SORCS1: variants seen among roughly 807,000 people sequenced by gnomAD.
SORCS1 encodes sortilin related VPS10 domain containing receptor 1, also known as VPS10 domain-containing receptor SorCS1.
A neutral mutation model predicts 146.1 loss-of-function variants in SORCS1; 60 were observed. The observed-to-expected ratio is 0.41, with a 90% confidence interval of 0.33 to 0.51. SORCS1 has a LOEUF of 0.51. Among genes scored for constraint, SORCS1 ranks in the 20% least tolerant of loss-of-function variants. The pLI, the probability that SORCS1 is intolerant of heterozygous loss-of-function variation, is 0.21. For missense variants in SORCS1, 1,352 were observed against 1,487.6 expected (o/e 0.91, Z 1.50); for synonymous variants, 637 against 584.0 (o/e 1.09, Z -1.31).
chr10:106,914,206 G>C (rs1952301861), intron 2 of SORCS1, among the ~76,000 whole-genome samples: 1 of 152,056 alleles, frequency 6.6e-6, no homozygotes, highest in South Asian at 2.1e-4. Flanking sequence ...GAGGATGCTG[G>C]GTTTTAAAAA....
intron 2 of SORCS1, among the ~76,000 whole-genome samples, chr10:106,835,740 T>G (rs1250805038): frequency 6.6e-6 from 1 of 152,168 alleles, no homozygotes; most frequent in Non-Finnish European, 1.5e-5. Context: ...GTGTGATGGC[T>G]CATGTCTGTA....
rs930271970 is a variant in SORCS1, at chr10:106,878,630, A to G, written c.627-48957T>C. ...TTTATAAACTACCTAGTATATATAT[A>G]TATATATATATATATATATTTTATA... On this transcript the variant is annotated intron_variant, in intron 2 of 25. Transcript: ENST00000263054. 6.6e-4 allele frequency among the ~76,000 whole-genome samples: 88 copies of G among 133,502 alleles called. 2 individuals are homozygous for G. Among genetic ancestry groups the G allele is most frequent in the African/African-American group, 2.2e-3 (82 of 36,638 alleles). 87.6% of individuals were successfully genotyped at this position (133,502 alleles called of 152,430 possible).
At chr10:107,076,180 G>GT (rs1228280398) in intron 1 of SORCS1, among the ~76,000 whole-genome samples, 2 of 152,040 alleles carry the variant, frequency 1.3e-5, no homozygotes, top group African/African-American at 4.8e-5. Context: ...TTTCGGCACC[G>GT]TATTTGCTAG....
intron 1 of SORCS1, among the ~76,000 whole-genome samples, chr10:107,052,713 A>G (rs377476864): frequency 1.2e-4 from 18 of 152,252 alleles, no homozygotes; most frequent in African/African-American, 4.3e-4. Flanking sequence ...TCTTCTTCTC[A>G]TATATCTCCA....
intron 1 of SORCS1, among the ~76,000 whole-genome samples, chr10:107,032,137 G>A (rs1958683144): frequency 1.3e-5 from 2 of 152,196 alleles, no homozygotes; most frequent in East Asian, 1.9e-4. Context: ...GTTTGAATTG[G>A]ATCTGTTGCC....
chr10:106,709,090 C>T, intron 7 of SORCS1, 133 bp downstream of exon 7: 1 of 644,576 alleles, frequency 1.6e-6, no homozygotes. Context: ...TGATTTTCCC[C>T]TCTCTCCCTA....
intron 2 of SORCS1, among the ~76,000 whole-genome samples, chr10:106,893,010 T>A (rs1951297539): frequency 2.0e-5 from 3 of 151,354 alleles, no homozygotes; most frequent in Non-Finnish European, 4.4e-5. Context: ...TTCTCCTGCC[T>A]CAGCCTCCCG....
chr10:107,136,518 A>T (rs895516130), intron 1 of SORCS1, among the ~76,000 whole-genome samples: 1 of 152,202 alleles, frequency 6.6e-6, no homozygotes, highest in African/African-American at 2.4e-5. Context: ...TGCAGAAAAA[A>T]AACAAGGCTT....
chr10:106,844,080 C>G lies in SORCS1; in HGVS notation c.627-14407G>C, dbSNP rs146653347. Among the ~76,000 whole-genome samples the G allele has an allele frequency of 9.2e-4, 140 of 152,282 alleles. 1 individual carries two copies. Among genetic ancestry groups the G allele is most frequent in the African/African-American group, 3.1e-3 (127 of 41,562 alleles). ...TTTTGATATTTTGATAAAAAACATCCTAATAGTTGTAAGGTGATATTTCAT... is the reference window on the plus strand; with the variant it reads ...TTTTGATATTTTGATAAAAAACATCGTAATAGTTGTAAGGTGATATTTCAT... On this transcript the variant is annotated intron_variant, in intron 2 of 25. Coordinates refer to ENST00000263054, the MANE Select transcript of SORCS1 (RefSeq NM_052918.5).
At chr10:107,054,869 C>T (rs1483305681) in intron 1 of SORCS1, among the ~76,000 whole-genome samples, 1 of 152,174 alleles carries the variant, frequency 6.6e-6, no homozygotes, top group African/African-American at 2.4e-5. Flanking sequence ...GAACTTTCCT[C>T]CTCAGGCTTA....
chr10:107,030,077 G>C (rs1037030726), intron 1 of SORCS1, among the ~76,000 whole-genome samples: 1 of 151,874 alleles, frequency 6.6e-6, no homozygotes, highest in African/African-American at 2.4e-5. Context: ...TATTTTAACC[G>C]TTTTTCTACT....
chr10:106,664,142 G>A (rs1264508147), intron 17 of SORCS1, among the ~76,000 whole-genome samples: 1 of 152,182 alleles, frequency 6.6e-6, no homozygotes, highest in Non-Finnish European at 1.5e-5. Flanking sequence ...AGTTAAGGTG[G>A]AGTCCTAGAA....
intron 3 of SORCS1, among the ~76,000 whole-genome samples, chr10:106,786,492 T>C (rs1589874197): frequency 6.6e-6 from 1 of 152,154 alleles, no homozygotes; most frequent in East Asian, 1.9e-4. Flanking sequence ...AGTGTGAATG[T>C]CCCAAGATCA....
intron 10 of SORCS1, among the ~76,000 whole-genome samples, chr10:106,687,213 C>A (rs1320627836): frequency 6.6e-6 from 1 of 152,172 alleles, no homozygotes; most frequent in Non-Finnish European, 1.5e-5. Context: ...CGTGACCCTG[C>A]AATCTTCCAT....
intron 22 of SORCS1, among the ~76,000 whole-genome samples, chr10:106,611,528 T>G (rs928653325): frequency 6.6e-6 from 1 of 152,212 alleles, no homozygotes; most frequent in African/African-American, 2.4e-5. Context: ...CCGAGGACAC[T>G]TACATGCTGA....
chr10:106,619,641 T>C (rs1847605335), intron 20 of SORCS1, among the ~76,000 whole-genome samples: 7 of 152,124 alleles, frequency 4.6e-5, no homozygotes, highest in Admixed American at 4.6e-4. Context: ...CCATGCAGCC[T>C]GGTGTAGAGG....
intron 2 of SORCS1, among the ~76,000 whole-genome samples, chr10:106,895,834 GCAA>G (rs1210077844): frequency 6.6e-6 from 1 of 152,090 alleles, no homozygotes; most frequent in African/African-American, 2.4e-5. Flanking sequence ...CACGTTTATA[GCAA>G]CAATAGCCAA....
At chr10:106,854,726 G>A (rs1368161017) in intron 2 of SORCS1, among the ~76,000 whole-genome samples, 1 of 151,962 alleles carries the variant, frequency 6.6e-6, no homozygotes, top group Non-Finnish European at 1.5e-5. Flanking sequence ...GGGAGTGCAG[G>A]CACTCTGTCA....
intron 1 of SORCS1, among the ~76,000 whole-genome samples, chr10:107,131,931 C>T (rs1309381438): frequency 6.6e-6 from 1 of 152,128 alleles, no homozygotes; most frequent in African/African-American, 2.4e-5. Flanking sequence ...CTGCCCTTAG[C>T]CTCCGTCCAA....
Sources: allele counts gnomAD v4.1 joint callset (sites outside exome capture counted in the v4.1 genomes callset), GRCh38; gene constraint gnomAD v4.1.1; transcripts MANE v1.5; gene names NCBI Gene and HGNC (gene_info 2026-07-23, HGNC 2026-07-21).